The following GCNT1 variants were observed in gnomAD, a reference collection of about 807,000 sequenced individuals.
GCNT1 encodes the protein glucosaminyl (N-acetyl) transferase 1.
Under a neutral mutation model 26.2 loss-of-function variants are expected in GCNT1, and 16 were observed. The observed-to-expected ratio is 0.61, with a 90% CI of 0.41 to 0.93. The LOEUF (loss-of-function observed/expected upper bound fraction) is 0.93, where lower values mean the gene tolerates loss of function less well. Ranked by LOEUF, GCNT1 falls within the 40% of genes least tolerant of loss-of-function variation. GCNT1 has a pLI of 0.00. For missense variants in GCNT1, 477 were observed against 526.7 expected (o/e 0.91, Z 0.92); for synonymous variants, 183 against 190.8 (o/e 0.96, Z 0.34).
At chr9:76,398,879 G>A in the GCNT1 span, 2 of 1,528,856 alleles carry the variant, frequency 1.3e-6, no homozygotes, top group Non-Finnish European at 1.8e-6. Flanking sequence ...GCTTCTGCTG[G>A]CAGCTAGTGC....
At chr9:76,457,611 T>G (rs949999090), upstream of GCNT1, among the ~76,000 whole-genome samples, 4 of 152,254 alleles carry the variant, frequency 2.6e-5, no homozygotes, top group Non-Finnish European at 5.9e-5. Context: ...TACAAATGAC[T>G]CAGACATTTA....
intron 1 of GCNT1, among the ~76,000 whole-genome samples, chr9:76,447,997 G>C (rs1823605218): frequency 6.6e-6 from 1 of 152,210 alleles, no homozygotes; most frequent in South Asian, 2.1e-4. Flanking sequence ...ATGGCTTCCA[G>C]ATAGGAATCA....
chr9:76,471,868 A>G lies in GCNT1; in HGVS notation c.-290+11691A>G, dbSNP rs184115410. 6.4e-3 allele frequency among the ~76,000 whole-genome samples: 982 copies of G among 152,270 alleles called. 5 individuals carry two copies. Among genetic ancestry groups the G allele is most frequent in the Non-Finnish European group, 0.01 (699 of 68,016 alleles). On this transcript the variant is annotated intron_variant, in intron 2 of 3. Transcript: ENST00000376730. ...GTAAATTTTTTTTTCTTTTGAGACC[A>G]GTCTCGCTTTGTTGCCCAGGCTGGA...
rs748801212 is a variant in GCNT1, at chr9:76,503,671, A to G, written c.*3A>G. ...CTTTGGAGACATTAAAACACTGACC[A>G]TTACGGGCAATTTTATGAACAAGAA... On this transcript the variant is annotated 3_prime_UTR_variant, in exon 4 of 4. Coordinates refer to ENST00000376730, the MANE Select transcript of GCNT1 (RefSeq NM_001490.5). The G allele has an allele frequency of 2.6e-5, 41 of 1,603,400 alleles. No individual in the cohort carries two copies. Among genetic ancestry groups the G allele is most frequent in the Non-Finnish European group, 3.3e-5 (39 of 1,171,016 alleles).
chr9:76,458,308 G>T (rs934563218), upstream of GCNT1, among the ~76,000 whole-genome samples: 1 of 145,238 alleles, frequency 6.9e-6, no homozygotes, highest in African/African-American at 2.6e-5. Flanking sequence ...TCAGCCTCCC[G>T]AGTAGCTGGG....
chr9:76,425,464 C>T (rs1014568378), intron 1 of GCNT1, among the ~76,000 whole-genome samples: 7 of 152,092 alleles, frequency 4.6e-5, no homozygotes, highest in African/African-American at 1.7e-4. Flanking sequence ...CTCAGGTGAT[C>T]CACCCACCTC....
rs536236131 is a variant in GCNT1, at chr9:76,504,544, G to C, written c.*876G>C. ...TCTGCTATCTGACTGCCAGTAATTA[G>C]TGCAGAAAACTAAGACAGGATGATA... On this transcript the variant is annotated 3_prime_UTR_variant, in exon 4 of 4. Coordinates refer to ENST00000376730, the MANE Select transcript of GCNT1 (RefSeq NM_001490.5). The C allele has an allele frequency of 4.8e-5, 19 of 395,388 alleles. No homozygotes were observed. Among genetic ancestry groups the C allele is most frequent in the African/African-American group, 3.7e-4 (18 of 48,362 alleles). 24.5% of individuals were successfully genotyped at this position (395,388 alleles called of 1,614,324 possible).
rs73452104 is a variant in GCNT1, at chr9:76,484,724, C to A, written c.-289-16192C>A. 6.3e-3 allele frequency among the ~76,000 whole-genome samples: 948 copies of A among 151,558 alleles called. 10 individuals are homozygous for A. Among genetic ancestry groups the A allele is most frequent in the African/African-American group, 0.022 (892 of 41,334 alleles). On this transcript the variant is annotated intron_variant, in intron 2 of 3. Transcript: ENST00000376730. ...GTATATTGTCATGCTTTTTGTTTGA[C>A]CACAACTCAATGTTTATATTACTAT... is the stretch of plus-strand genomic sequence containing the variant.
chr9:76,400,851 A>G, the GCNT1 span, among the ~76,000 whole-genome samples: 4 of 152,236 alleles, frequency 2.6e-5, no homozygotes, highest in African/African-American at 7.2e-5. Context: ...TCCTGTGATC[A>G]TATTTCCAAG....
intron 2 of GCNT1, among the ~76,000 whole-genome samples, chr9:76,471,796 G>A (rs941764715): frequency 6.6e-6 from 1 of 152,154 alleles, no homozygotes; most frequent in Non-Finnish European, 1.5e-5. Context: ...AGCATTATGA[G>A]GTAGATTGGT....
At chr9:76,497,205 G>A (rs1286555812) in intron 2 of GCNT1, among the ~76,000 whole-genome samples, 1 of 152,092 alleles carries the variant, frequency 6.6e-6, no homozygotes, top group African/African-American at 2.4e-5. Flanking sequence ...AATTATTTTG[G>A]TATTTATTCC....
chr9:76,502,513 A>G lies in GCNT1; in HGVS notation c.132A>G (p.Arg44=). ...AAAAGCCTGAATTTGTAAGTGTCAGACACTTGGAGCTTGCTGGGGAGAATC... is the reference window on the plus strand; with the variant it reads ...AAAAGCCTGAATTTGTAAGTGTCAGGCACTTGGAGCTTGCTGGGGAGAATC... The part of the protein sequence containing the change: ...IHQKPEFVSV[R]HLELAGENPS... The change falls in exon 4 of 4, where the codon AGA becomes AGG. Residue 44 remains arginine, a synonymous_variant. Transcript: ENST00000376730. 1 of 1,613,990 alleles carries G rather than the reference A, an allele frequency of 6.2e-7. No individual in the cohort carries two copies. The highest frequency in any genetic ancestry group is 8.5e-7 in the Non-Finnish European group (1 of 1,179,860).
At chr9:76,460,736 A>G (rs4745551) in intron 2 of GCNT1, among the ~76,000 whole-genome samples, 37,166 of 149,630 alleles carry the variant, frequency 0.25, 4,768 homozygotes, top group East Asian at 0.34. Flanking sequence ...ACAATATACC[A>G]AACTATGAAT....
chr9:76,477,699 A>C (rs565110342), intron 2 of GCNT1, among the ~76,000 whole-genome samples: 4 of 152,336 alleles, frequency 2.6e-5, no homozygotes, highest in Non-Finnish European at 5.9e-5. Context: ...GCATATTTGC[A>C]CTGTTGTGCA....
chr9:76,477,759 A>G (rs1824286925), intron 2 of GCNT1, among the ~76,000 whole-genome samples: 1 of 152,058 alleles, frequency 6.6e-6, no homozygotes, highest in Non-Finnish European at 1.5e-5. Flanking sequence ...CCAAACAGAA[A>G]CTGTACTCAT....
At chr9:76,468,638 C>T (rs962251730) in intron 2 of GCNT1, among the ~76,000 whole-genome samples, 2 of 152,136 alleles carry the variant, frequency 1.3e-5, no homozygotes, top group Non-Finnish European at 2.9e-5. Flanking sequence ...TTGCCAGATA[C>T]GTAAGAGTGG....
the GCNT1 span, among the ~76,000 whole-genome samples, chr9:76,404,878 C>T: frequency 7.9e-5 from 12 of 151,434 alleles, no homozygotes; most frequent in Non-Finnish European, 1.5e-4. Flanking sequence ...AGAGCAGTGG[C>T]GTGACCTCAG....
chr9:76,474,896 G>GT (rs1479413077), intron 2 of GCNT1, among the ~76,000 whole-genome samples: 1 of 152,202 alleles, frequency 6.6e-6, no homozygotes, highest in Admixed American at 6.5e-5. Context: ...GTGCTTCTCA[G>GT]TTTTTCCAGT....
upstream of GCNT1, among the ~76,000 whole-genome samples, chr9:76,455,536 G>A (rs1356347465): frequency 2.0e-5 from 3 of 152,042 alleles, no homozygotes; most frequent in African/African-American, 7.2e-5. Flanking sequence ...ATGTTCACTG[G>A]TCTCCAGTAA....
Sources: allele counts gnomAD v4.1 joint callset (sites outside exome capture counted in the v4.1 genomes callset), GRCh38; gene constraint gnomAD v4.1.1; transcripts MANE v1.5; gene names NCBI Gene and HGNC (gene_info 2026-07-23, HGNC 2026-07-21).